Variants in RABGAP1L observed in about 807,000 individuals in gnomAD.
RABGAP1L encodes the protein RAB GTPase activating protein 1 like, also known as rab GTPase-activating protein 1-like.
RABGAP1L carries 63 observed loss-of-function variants against 137.7 expected under a neutral mutation model. The ratio of observed to expected loss-of-function variants is 0.46; its 90% confidence interval spans 0.37 to 0.56. The LOEUF is 0.56. RABGAP1L is among the 20% of genes least tolerant of loss of function. RABGAP1L has a pLI of 0.00. For synonymous variants in RABGAP1L, 431 were observed against 433.7 expected (o/e 0.99, Z 0.08); for missense variants, 1,095 against 1,244.0 (o/e 0.88, Z 1.80).
intron 18 of RABGAP1L, among the ~76,000 whole-genome samples, chr1:174,785,767 A>G (rs1290745545): frequency 6.6e-6 from 1 of 152,220 alleles, no homozygotes; most frequent in African/African-American, 2.4e-5. Flanking sequence ...TGTGCAGACC[A>G]TAAGCCCTAC....
chr1:174,935,513 A>G lies in RABGAP1L; in HGVS notation c.2341-21944A>G, dbSNP rs528545780. On this transcript the variant is annotated intron_variant, in intron 19 of 25. Transcript: ENST00000681986. ...TCTCAGAAAATCATTAACACTGAAA[A>G]AGGAAATATGAAAGACTTAGAATTC... 5.3e-5 allele frequency: 8 copies of G among 152,368 alleles called. No individual in the cohort carries two copies. The East Asian group carries it at 1.2e-3, about 22-fold the overall frequency. The allele number at this position is 152,368 out of a possible 1,614,324, so 9.4% of individuals were successfully genotyped here.
chr1:174,521,799 G>A (rs1663416917), intron 13 of RABGAP1L, among the ~76,000 whole-genome samples: 1 of 152,170 alleles, frequency 6.6e-6, no homozygotes, highest in Non-Finnish European at 1.5e-5. Context: ...TTAAAGTGGT[G>A]GCTGGGTGCG....
At chr1:174,711,033 C>G (rs1218896952) in intron 17 of RABGAP1L, among the ~76,000 whole-genome samples, 2 of 152,094 alleles carry the variant, frequency 1.3e-5, no homozygotes, top group Admixed American at 6.5e-5. Flanking sequence ...AGCTAAAGCC[C>G]GGCGAGAAGT....
intron 18 of RABGAP1L, among the ~76,000 whole-genome samples, chr1:174,769,910 C>G (rs1245179583): frequency 6.6e-6 from 1 of 152,072 alleles, no homozygotes; most frequent in Middle Eastern, 3.2e-3. Flanking sequence ...TTTCAGTTCT[C>G]CCTAGTCTTT....
intron 6 of RABGAP1L, among the ~76,000 whole-genome samples, chr1:174,251,405 A>G (rs1418632853): frequency 6.6e-6 from 1 of 151,720 alleles, no homozygotes. Flanking sequence ...TCCAGTTCAG[A>G]TATAGACAGT....
intron 13 of RABGAP1L, among the ~76,000 whole-genome samples, chr1:174,499,313 A>G (rs993836942): frequency 1.3e-5 from 2 of 152,206 alleles, no homozygotes; most frequent in Non-Finnish European, 2.9e-5. Flanking sequence ...CATAGTAGAA[A>G]GATGATTGTA....
chr1:174,637,227 A>C, intron 13 of RABGAP1L, 148 bp from the exon 14 acceptor site: 1 of 582,422 alleles, frequency 1.7e-6, no homozygotes, highest in East Asian at 2.9e-5. Context: ...TCTTGGGTAT[A>C]GGACTATGGG....
intron 13 of RABGAP1L, among the ~76,000 whole-genome samples, chr1:174,635,385 A>G (rs1466309542): frequency 6.6e-6 from 1 of 152,192 alleles, no homozygotes; most frequent in Non-Finnish European, 1.5e-5. Context: ...AACTTATCGG[A>G]AGAGAGCTCT....
At chr1:174,481,106 A>C (rs1312901387) in intron 13 of RABGAP1L, among the ~76,000 whole-genome samples, 2 of 152,164 alleles carry the variant, frequency 1.3e-5, no homozygotes, top group Non-Finnish European at 2.9e-5. Context: ...AAACTTTTTT[A>C]AATTTTACTT....
rs757103612 is a variant in RABGAP1L, at chr1:174,221,161, A to C, written c.328A>C (p.Thr110Pro). 3.8e-6 allele frequency: 6 copies of C among 1,586,684 alleles called. No individual in the cohort carries two copies. The East Asian group carries it at 1.1e-4, about 30-fold the overall frequency. Residue 110 changes from threonine to proline, a missense_variant, in exon 3 of 26, where the codon ACA (threonine) becomes CCA (proline). This residue lies in a region of RABGAP1L where 356 missense variants were observed against 326.3 expected (regional missense o/e 1.09). Transcript: ENST00000681986. ...SLQLILDPSN[T>P]EISTPRPSSP... Reference sequence around the variant, plus strand: ...TCAGTTAATTTTGGATCCGTCTAACACAGGTACTGTATTGAATTCTTAGAA... The same window carrying C: ...TCAGTTAATTTTGGATCCGTCTAACCCAGGTACTGTATTGAATTCTTAGAA...
chr1:174,697,481 C>A lies in RABGAP1L; in HGVS notation c.1900-2044C>A, dbSNP rs187340146. Among the ~76,000 whole-genome samples, 171 of 152,230 alleles carry A rather than the reference C, an allele frequency of 1.1e-3. 1 individual carries two copies. Among genetic ancestry groups the A allele is most frequent in the African/African-American group, 3.7e-3 (155 of 41,520 alleles). On this transcript the variant is annotated intron_variant, in intron 15 of 25. Transcript: ENST00000681986. ...GATTACATGTACACACCAACATGCC[C>A]AGCTATTTTGTATTTTTAGTAGAGA...
chr1:174,809,875 G>A (rs1338470373), intron 18 of RABGAP1L, among the ~76,000 whole-genome samples: 1 of 152,232 alleles, frequency 6.6e-6, no homozygotes, highest in Admixed American at 6.5e-5. Flanking sequence ...CTCTCAGACT[G>A]AAGTTGTTTC....
intron 19 of RABGAP1L, among the ~76,000 whole-genome samples, chr1:174,936,769 A>C (rs1341101010): frequency 6.6e-6 from 1 of 152,164 alleles, no homozygotes; most frequent in Non-Finnish European, 1.5e-5. Flanking sequence ...AAGAATTAGA[A>C]AGTAGCAGAG....
At chr1:174,646,462 A>G (rs114704918) in intron 14 of RABGAP1L, among the ~76,000 whole-genome samples, 9,454 of 152,228 alleles carry the variant, frequency 0.062, 410 homozygotes, top group Non-Finnish European at 0.091. Context: ...CATTTATTAA[A>G]TAGGAATACT....
intron 11 of RABGAP1L, among the ~76,000 whole-genome samples, chr1:174,362,454 CTT>C (rs57075582): frequency 0.035 from 5,267 of 152,198 alleles, 122 homozygotes; most frequent in Middle Eastern, 0.088. Context: ...TTATTTTTGA[CTT>C]TTTAATAATA....
At chr1:174,580,595 A>T (rs1449991497) in intron 13 of RABGAP1L, among the ~76,000 whole-genome samples, 2 of 152,042 alleles carry the variant, frequency 1.3e-5, no homozygotes, top group Non-Finnish European at 2.9e-5. Flanking sequence ...ACACATGGAC[A>T]CAGGAAGGGG....
rs140917627 is a variant in RABGAP1L, at chr1:174,448,511, T to G, written c.1710+54366T>G. On this transcript the variant is annotated intron_variant, in intron 13 of 25. Transcript: ENST00000681986. This position sits in a 1 kb window ranked among gnomAD's most constrained non-coding sequence, Gnocchi z 4.2. ...AAGTGTTTCTATGGCATGTCTTGCT[T>G]GCATCAGTGTGGATCGTTATCTTGC... is the stretch of plus-strand genomic sequence containing the variant. 2 of 1,613,232 alleles carry G rather than the reference T, an allele frequency of 1.2e-6. No homozygotes were observed. The highest frequency in any genetic ancestry group is 1.3e-5 in the African/African-American group (1 of 75,034).
chr1:174,557,359 A>G (rs1353507183), intron 13 of RABGAP1L, among the ~76,000 whole-genome samples: 1 of 152,174 alleles, frequency 6.6e-6, no homozygotes, highest in Non-Finnish European at 1.5e-5. Flanking sequence ...GGCCATGTGT[A>G]TCTCTTGCTT....
chr1:174,870,806 T>G (rs1652056554), intron 19 of RABGAP1L, among the ~76,000 whole-genome samples: 1 of 151,566 alleles, frequency 6.6e-6, no homozygotes, highest in South Asian at 2.1e-4. Context: ...GGTGCGATCT[T>G]AGCTTACTGC....
Sources: gnomAD v4.1 joint callset for allele counts (sites outside exome capture counted in the v4.1 genomes callset) on GRCh38, gnomAD v4.1.1 for gene constraint, gnomAD v4.1.1 regional missense constraint, Gnocchi (gnomAD v3.1) non-coding constraint, MANE v1.5 for transcripts, NCBI Gene and HGNC (gene_info 2026-07-23, HGNC 2026-07-21) for gene names.